Variants in NSD3 observed in about 807,000 individuals in gnomAD.
NSD3 encodes nuclear receptor binding SET domain protein 3, also known as histone-lysine N-methyltransferase NSD3.
A neutral mutation model predicts 160.8 loss-of-function variants in NSD3; 24 were observed. The ratio of observed to expected loss-of-function variants is 0.15; its 90% CI spans 0.11 to 0.21. The LOEUF (loss-of-function observed/expected upper bound fraction) is 0.21, where lower values mean the gene tolerates loss of function less well. Ranked by LOEUF, NSD3 falls within the 10% of genes least tolerant of loss-of-function variation. The pLI is 1.00. For missense variants in NSD3, 1,157 were observed against 1,735.9 expected, an observed-to-expected ratio of 0.67 and a Z score of 5.93; for synonymous variants, 520 against 600.0, an observed-to-expected ratio of 0.87 and a Z score of 1.95.
Position 38,316,346 on chromosome 8 carries a change from C to T in NSD3, c.1856-304G>A, listed in dbSNP as rs1809663127. On this transcript the variant is annotated intron_variant, in intron 9 of 23. Coordinates refer to ENST00000317025, the MANE Select transcript of NSD3 (RefSeq NM_023034.2). The surrounding 1 kb of genome is among the most constrained non-coding windows in gnomAD (Gnocchi z 4.5). ...CAATTCTATGAAAATTGCAGGATAG[C>T]TGATGGATTTGGAGCAATTCAAAGA... 1 of 1,092,340 alleles carries T rather than the reference C, an allele frequency of 9.2e-7. No homozygotes were observed. Among genetic ancestry groups the T allele is most frequent in the African/African-American group, 1.6e-5 (1 of 61,522 alleles). 67.7% of individuals were successfully genotyped at this position (1,092,340 alleles called of 1,614,324 possible). A position where few individuals can be genotyped will look rare whatever the true frequency, so the allele number is the denominator to read the frequency against.
chr8:38,313,366 C>A (rs1239502262), intron 12 of NSD3, among the ~76,000 whole-genome samples: 1 of 152,060 alleles, frequency 6.6e-6, no homozygotes, highest in Non-Finnish European at 1.5e-5. Flanking sequence ...TCATCATGGG[C>A]TATCTTTGTG....
chr8:38,375,617 C>A (rs1359738694), intron 1 of NSD3, among the ~76,000 whole-genome samples: 1 of 151,852 alleles, frequency 6.6e-6, no homozygotes, highest in Non-Finnish European at 1.5e-5. Context: ...TTAGTATAAG[C>A]AATTTCTTAC....
intron 1 of NSD3, among the ~76,000 whole-genome samples, chr8:38,352,482 G>A (rs1230668338): frequency 1.3e-5 from 2 of 152,184 alleles, no homozygotes; most frequent in Admixed American, 1.3e-4. Flanking sequence ...GTGATTTCTG[G>A]TTCATAGGTA....
intron 2 of NSD3, 95 bp from the exon 3 acceptor site, chr8:38,338,702 T>TA (rs1810284909): frequency 2.0e-6 from 2 of 1,014,190 alleles, no homozygotes; most frequent in Admixed American, 3.8e-5. Context: ...CAAAGAAAAC[T>TA]AAATAAAGAG....
At chr8:38,320,692 A>G (rs189120315) in intron 8 of NSD3, 78 of 156,810 alleles carry the variant, frequency 5.0e-4, no homozygotes, top group Admixed American at 1.9e-3. Flanking sequence ...ATAAAAAACA[A>G]TATATACCAG....
chr8:38,341,951 A>C (rs1477659173), intron 2 of NSD3, among the ~76,000 whole-genome samples: 1 of 152,156 alleles, frequency 6.6e-6, no homozygotes, highest in Non-Finnish European at 1.5e-5. Context: ...TCTCCAAAAA[A>C]ACAAAAAAAA....
intron 15 of NSD3, among the ~76,000 whole-genome samples, chr8:38,296,752 G>C (rs1809160511): frequency 6.6e-6 from 1 of 151,546 alleles, no homozygotes; most frequent in Non-Finnish European, 1.5e-5. Flanking sequence ...TACATATACA[G>C]AGAATATATT....
chr8:38,370,502 G>A (rs1226597097), intron 1 of NSD3, among the ~76,000 whole-genome samples: 1 of 151,734 alleles, frequency 6.6e-6, no homozygotes, highest in African/African-American at 2.4e-5. Flanking sequence ...AATATGTCAG[G>A]TTTTCTTAAA....
chr8:38,336,384 T>C (rs1810216553), intron 4 of NSD3, among the ~76,000 whole-genome samples: 1 of 152,216 alleles, frequency 6.6e-6, no homozygotes, highest in Non-Finnish European at 1.5e-5. Context: ...AAAGTTAGAA[T>C]TGTCTTTCTT....
At chr8:38,331,225 T>C (rs1442491144) in intron 5 of NSD3, among the ~76,000 whole-genome samples, 4 of 152,180 alleles carry the variant, frequency 2.6e-5, no homozygotes, top group Admixed American at 6.5e-5. Context: ...AAGTTTTTAA[T>C]AGTACTATAC....
chr8:38,288,343 G>T lies in NSD3; in HGVS notation c.3501+144C>A. 8.4e-7 allele frequency: 1 copy of T among 1,187,378 alleles called. No individual in the cohort carries two copies. Among genetic ancestry groups the T allele is most frequent in the Non-Finnish European group, 1.2e-6 (1 of 859,432 alleles). 73.6% of individuals were successfully genotyped at this position (1,187,378 alleles called of 1,614,324 possible). On this transcript the variant is annotated intron_variant, in intron 19 of 23. Coordinates refer to ENST00000317025, the MANE Select transcript of NSD3 (RefSeq NM_023034.2). This position sits in a 1 kb window ranked among gnomAD's most constrained non-coding sequence, Gnocchi z 4.5. ...CTTCCTACTACTCTTCTTTGCTCAA[G>T]AAGTACCAAACTCTCAACATGGAAA...
chr8:38,309,752 T>C (rs1585874841), intron 12 of NSD3, among the ~76,000 whole-genome samples: 1 of 152,246 alleles, frequency 6.6e-6, no homozygotes, highest in Non-Finnish European at 1.5e-5. Flanking sequence ...ACTTATTCTA[T>C]TGTACATTTT....
chr8:38,358,922 A>AT (rs5891011), intron 1 of NSD3, among the ~76,000 whole-genome samples: 21,592 of 150,552 alleles, frequency 0.14, 1,502 homozygotes, highest in Non-Finnish European at 0.16. Context: ...GGAACAGTTA[A>AT]TTTTTTTTTT....
Position 38,290,491 on chromosome 8 carries a change from G to A in NSD3, c.3102C>T (p.Asn1034=), listed in dbSNP as rs750109028. 1 of 1,614,092 alleles carries A rather than the reference G, an allele frequency of 6.2e-7. No individual in the cohort carries two copies. Among genetic ancestry groups the A allele is most frequent in the Non-Finnish European group, 8.5e-7 (1 of 1,179,988 alleles). The change falls in exon 17 of 24, where the codon AAC becomes AAT. Residue 1034 remains asparagine, a synonymous_variant. Coordinates refer to ENST00000317025, the MANE Select transcript of NSD3 (RefSeq NM_023034.2). Reference sequence around the variant, plus strand: ...CCAGCTTACCCTTTTTGAAGGTCTTGTTAATACTAGTCTGCCCTTCAGCAA... The same window carrying A: ...CCAGCTTACCCTTTTTGAAGGTCTTATTAATACTAGTCTGCCCTTCAGCAA... ...KSFAEGQTSI[N]KTFKKALEEA...
Position 38,382,267 on chromosome 8 carries a change from GC to G in NSD3, c.-514del, listed in dbSNP as rs1166598265. On this transcript the variant is annotated 5_prime_UTR_variant, in exon 1 of 24. Coordinates refer to ENST00000317025, the MANE Select transcript of NSD3 (RefSeq NM_023034.2). This position sits in a 1 kb window ranked among gnomAD's most constrained non-coding sequence, Gnocchi z 4.2. ...CTCTCCCGCCGCCGCCGCGCACAAA[GC>G]CCCCCCACCCCGACTCTCGGGGCGC... The G allele has an allele frequency of 5.9e-5, 10 of 169,924 alleles. No homozygotes were observed. The highest frequency in any genetic ancestry group is 3.1e-4 in the South Asian group (2 of 6,458). 10.5% of individuals were successfully genotyped at this position (169,924 alleles called of 1,614,324 possible). A position where few individuals can be genotyped will look rare whatever the true frequency, so the allele number is the denominator to read the frequency against.
rs764099620 is a variant in NSD3 at position 38,305,232 on chromosome 8, T to C, written c.2440+16A>G. The C allele has an allele frequency of 5.6e-6, 9 of 1,611,106 alleles. No homozygotes were observed. The South Asian group carries it at 6.6e-5, about 12-fold the overall frequency. ...CTTAAAACAAAAATCTTTGTCTCCTTCTTCAGCTGTTTTACCTTTACTTGC... is the reference window on the plus strand; with the variant it reads ...CTTAAAACAAAAATCTTTGTCTCCTCCTTCAGCTGTTTTACCTTTACTTGC... On this transcript the variant is annotated intron_variant, in intron 13 of 23. Coordinates refer to ENST00000317025, the MANE Select transcript of NSD3 (RefSeq NM_023034.2).
At chr8:38,345,049 G>A (rs1046131224) in intron 2 of NSD3, among the ~76,000 whole-genome samples, 1 of 152,154 alleles carries the variant, frequency 6.6e-6, no homozygotes, top group African/African-American at 2.4e-5. Flanking sequence ...TTAACGATAG[G>A]CAAGAGCTGT....
rs557642898 is a variant in NSD3 at position 38,306,724 on chromosome 8, A to G, written c.2243-1279T>C. Among the ~76,000 whole-genome samples, 47 of 152,336 alleles carry G rather than the reference A, an allele frequency of 3.1e-4. No homozygotes were observed. In the South Asian group the frequency reaches 9.5e-3, roughly 31 times the overall value. On this transcript the variant is annotated intron_variant, in intron 12 of 23. Coordinates refer to ENST00000317025, the MANE Select transcript of NSD3 (RefSeq NM_023034.2). ...ATGTAAAAGTGGGCAGAGGATGTAA[A>G]TGGGCAATTTACATAAAGACAAATA...
chr8:38,351,954 T>G (rs1036384089), intron 1 of NSD3, among the ~76,000 whole-genome samples: 10 of 151,010 alleles, frequency 6.6e-5, no homozygotes, highest in Non-Finnish European at 1.5e-4. Flanking sequence ...CACACCAACA[T>G]GGCACATGTA....
Sources: gnomAD v4.1 joint callset for allele counts (sites outside exome capture counted in the v4.1 genomes callset) on GRCh38, gnomAD v4.1.1 for gene constraint, Gnocchi (gnomAD v3.1) non-coding constraint, MANE v1.5 for transcripts, NCBI Gene and HGNC (gene_info 2026-07-23, HGNC 2026-07-21) for gene names.